Variants in MAP3K4 observed in about 807,000 individuals in gnomAD.
The protein encoded by MAP3K4 is mitogen-activated protein kinase kinase kinase 4, also known as MAP three kinase 1.
Under a neutral mutation model 185.6 loss-of-function variants are expected in MAP3K4, and 67 were observed. That is an observed-to-expected ratio of 0.36 (90% CI 0.30 to 0.44). The LOEUF (loss-of-function observed/expected upper bound fraction) is 0.44. Among genes scored for constraint, MAP3K4 ranks in the 20% least tolerant of loss-of-function variants. The pLI is 1.00. For synonymous variants in MAP3K4, 702 were observed against 710.4 expected (o/e 0.99, Z 0.19); for missense variants, 1,551 against 1,995.1 (o/e 0.78, Z 4.24).
chr6:161,009,906 T>C (rs1294383106), intron 1 of MAP3K4, among the ~76,000 whole-genome samples: 1 of 152,142 alleles, frequency 6.6e-6, no homozygotes, highest in African/African-American at 2.4e-5. Flanking sequence ...ATAGAGCTAA[T>C]GCATGCTGGG....
rs1009550628 is a variant in MAP3K4 at position 161,080,066 on chromosome 6, G to A, written c.2098-815G>A. ...GTGGTGGGTGGGCGCTCAGGTTGGC[G>A]ACAGACTGCTTCACGCTGAGTCACA... On this transcript the variant is annotated intron_variant, in intron 5 of 26. Transcript: ENST00000392142. This position sits in a 1 kb window ranked among gnomAD's most constrained non-coding sequence, Gnocchi z 4.8. 1.3e-5 allele frequency among the ~76,000 whole-genome samples: 2 copies of A among 152,268 alleles called. No individual in the cohort carries two copies. The highest frequency in any genetic ancestry group is 2.1e-4 in the South Asian group (1 of 4,826).
rs540109017 is a variant in MAP3K4, at chr6:161,048,430, T to A, written c.344-186T>A. On this transcript the variant is annotated intron_variant, in intron 2 of 26. Coordinates refer to ENST00000392142, the MANE Select transcript of MAP3K4 (RefSeq NM_005922.4). This position sits in a 1 kb window ranked among gnomAD's most constrained non-coding sequence, Gnocchi z 4.7. Reference sequence around the variant, plus strand: ...TACTGGAAAAATGGATAATTTTTTTTAAAATATAGAAAATGTCATATATAT... The same window carrying A: ...TACTGGAAAAATGGATAATTTTTTTAAAAATATAGAAAATGTCATATATAT... 3.0e-5 allele frequency: 18 copies of A among 603,116 alleles called. No individual in the cohort carries two copies. In the African/African-American group the frequency reaches 3.0e-4, roughly 10 times the overall value. The allele number at this position is 603,116 out of a possible 1,614,324, so 37.4% of individuals were successfully genotyped here. A position where few individuals can be genotyped will look rare whatever the true frequency, so the allele number is the denominator to read the frequency against.
At chr6:161,005,033 G>T (rs560099396) in intron 1 of MAP3K4, among the ~76,000 whole-genome samples, 3 of 152,124 alleles carry the variant, frequency 2.0e-5, no homozygotes, top group South Asian at 4.1e-4. Flanking sequence ...AACTTATCCA[G>T]TCTTGACCAT....
rs180673627 is a variant in MAP3K4, at chr6:161,075,214, G to A, written c.2097+1602G>A. Among the ~76,000 whole-genome samples, 32 of 152,304 alleles carry A rather than the reference G, an allele frequency of 2.1e-4. No individual in the cohort carries two copies. The highest frequency in any genetic ancestry group is 7.5e-4 in the African/African-American group (31 of 41,564). On this transcript the variant is annotated intron_variant, in intron 5 of 26. Transcript: ENST00000392142. The surrounding 1 kb of genome is among the most constrained non-coding windows in gnomAD (Gnocchi z 4.3). ...CTGTCACCTAGACTGAAACGCAGTG[G>A]TGTGTTGACGGCTTCCTGTAGTCTC...
At chr6:161,020,088 G>A (rs968498330) in intron 1 of MAP3K4, among the ~76,000 whole-genome samples, 2 of 152,160 alleles carry the variant, frequency 1.3e-5, no homozygotes, top group Non-Finnish European at 2.9e-5. Context: ...TTGAGCATTG[G>A]CTTTGAATTA....
At chr6:161,030,783 A>G (rs1445665455) in intron 1 of MAP3K4, among the ~76,000 whole-genome samples, 5 of 152,206 alleles carry the variant, frequency 3.3e-5, no homozygotes, top group African/African-American at 9.6e-5. Flanking sequence ...TTTTTAAAAG[A>G]AAGTTTCTTT....
chr6:161,084,243 A>G lies in MAP3K4; in HGVS notation c.2256-258A>G, dbSNP rs1257669991. Among the ~76,000 whole-genome samples, 3 of 152,256 alleles carry G rather than the reference A, an allele frequency of 2.0e-5. No individual in the cohort carries two copies. The highest frequency in any genetic ancestry group is 4.4e-5 in the Non-Finnish European group (3 of 68,044). On this transcript the variant is annotated intron_variant, in intron 6 of 26. Coordinates refer to ENST00000392142, the MANE Select transcript of MAP3K4 (RefSeq NM_005922.4). This position sits in a 1 kb window ranked among gnomAD's most constrained non-coding sequence, Gnocchi z 4.6. ...AATAACATTTGTGTACTAATTCCAT[A>G]GCTACTATGAATACAGTTTAAGATT...
chr6:161,062,481 T>C (rs1784525642), intron 3 of MAP3K4, among the ~76,000 whole-genome samples: 1 of 152,236 alleles, frequency 6.6e-6, no homozygotes, highest in South Asian at 2.1e-4. Flanking sequence ...AATTATTATA[T>C]CCCAGTCTCT....
Position 161,034,625 on chromosome 6 carries a change from C to T in MAP3K4, c.343+176C>T, listed in dbSNP as rs958693254. Among the ~76,000 whole-genome samples, 1 of 151,840 alleles carries T rather than the reference C, an allele frequency of 6.6e-6. No homozygotes were observed. The highest frequency in any genetic ancestry group is 6.6e-5 in the Admixed American group (1 of 15,240). ...TTAATAAAATTGACACATAGTTTTC[C>T]AGAGATAGAAACGTTTGTCCTGAGT... On this transcript the variant is annotated intron_variant, in intron 2 of 26. Coordinates refer to ENST00000392142, the MANE Select transcript of MAP3K4 (RefSeq NM_005922.4). The surrounding 1 kb of genome is among the most constrained non-coding windows in gnomAD (Gnocchi z 4.4).
chr6:161,053,563 T>G lies in MAP3K4; in HGVS notation c.1707+3584T>G, dbSNP rs77619929. On this transcript the variant is annotated intron_variant, in intron 3 of 26. Coordinates refer to ENST00000392142, the MANE Select transcript of MAP3K4 (RefSeq NM_005922.4). The surrounding 1 kb of genome is among the most constrained non-coding windows in gnomAD (Gnocchi z 4.2). ...TTTTAAGGGCATACATTTTAGGCAG[T>G]AAAACCTTTTAGGTTTGAGGACTTT... Among the ~76,000 whole-genome samples the G allele has an allele frequency of 0.023, 3,465 of 152,324 alleles. 116 individuals carry two copies. Among genetic ancestry groups the G allele is most frequent in the African/African-American group, 0.074 (3,089 of 41,566 alleles).
intron 23 of MAP3K4, 122 bp from the exon 24 acceptor site, chr6:161,111,714 A>G (rs548456914): frequency 4.0e-5 from 39 of 980,600 alleles, no homozygotes; most frequent in Non-Finnish European, 5.6e-5. Context: ...TTGTAAGTCA[A>G]GTTTCATAAG....
Position 161,101,779 on chromosome 6 carries a change from C to T in MAP3K4, c.3675-113C>T, listed in dbSNP as rs1266502688. On this transcript the variant is annotated intron_variant, in intron 17 of 26. Coordinates refer to ENST00000392142, the MANE Select transcript of MAP3K4 (RefSeq NM_005922.4). This position sits in a 1 kb window ranked among gnomAD's most constrained non-coding sequence, Gnocchi z 5.1. ...TACATTGCTGGAGGCAGAGTTGTTCCTGGCAGGCAGAGTTGCCCCCAGTTG... is the reference window on the plus strand; with the variant it reads ...TACATTGCTGGAGGCAGAGTTGTTCTTGGCAGGCAGAGTTGCCCCCAGTTG... 1 of 834,986 alleles carries T rather than the reference C, an allele frequency of 1.2e-6. No individual in the cohort carries two copies. The highest frequency in any genetic ancestry group is 1.9e-6 in the Non-Finnish European group (1 of 522,852). The allele number at this position is 834,986 out of a possible 1,614,324, so 51.7% of individuals were successfully genotyped here. A position where few individuals can be genotyped will look rare whatever the true frequency, so the allele number is the denominator to read the frequency against.
chr6:161,089,475 TTACACTGTCCTC>T lies in MAP3K4; in HGVS notation c.2973+9_2973+20del, dbSNP rs2114862328. 1 of 1,614,138 alleles carries T rather than the reference TTACACTGTCCTC, an allele frequency of 6.2e-7. No individual in the cohort carries two copies. Among genetic ancestry groups the T allele is most frequent in the South Asian group, 1.1e-5 (1 of 91,076 alleles). On this transcript the variant is annotated splice_donor_5th_base_variant and intron_variant, in intron 11 of 26. Coordinates refer to ENST00000392142, the MANE Select transcript of MAP3K4 (RefSeq NM_005922.4). ...CAAAGCTTTGCAGCAGCTGAAGGTATTACACTGTCCTCTACATTAGCTGAGATTTTTCCTTTT... is the reference window on the plus strand; with the variant it reads ...CAAAGCTTTGCAGCAGCTGAAGGTATTACATTAGCTGAGATTTTTCCTTTT...
intron 3 of MAP3K4, among the ~76,000 whole-genome samples, chr6:161,057,665 A>G (rs1255226362): frequency 6.6e-6 from 1 of 152,208 alleles, no homozygotes; most frequent in African/African-American, 2.4e-5. Context: ...CACTGGAAAC[A>G]CTGATTAGGC....
chr6:161,078,970 T>C (rs146189814), intron 5 of MAP3K4, among the ~76,000 whole-genome samples: 3,429 of 152,180 alleles, frequency 0.023, 139 homozygotes, highest in African/African-American at 0.079. Flanking sequence ...TCCCAACACT[T>C]TGGGAGGCCG....
At position 161,049,028 on chromosome 6, in the gene MAP3K4, G is replaced by A. The variant is rs771762808; in HGVS notation, c.756G>A (p.Thr252=). ...GGGAGCAAAGAGGACAAGAAAATAC[G>A]TCTGGTTTCTGGCTTAACCGATCTA... The part of the protein sequence containing the change: ...KDREQRGQEN[T]SGFWLNRSNE... The change falls in exon 3 of 27, where the codon ACG becomes ACA. Residue 252 remains threonine, a synonymous_variant. Coordinates refer to ENST00000392142, the MANE Select transcript of MAP3K4 (RefSeq NM_005922.4). The surrounding 1 kb of genome is among the most constrained non-coding windows in gnomAD (Gnocchi z 8.4). 20 of 1,613,898 alleles carry A rather than the reference G, an allele frequency of 1.2e-5. No individual in the cohort carries two copies. The highest frequency in any genetic ancestry group is 1.6e-4 in the Middle Eastern group (1 of 6,084).
In MAP3K4 at chr6:161,043,968, G is replaced by T. The variant is rs1276977726; in HGVS notation, c.344-4648G>T. Among the ~76,000 whole-genome samples the T allele has an allele frequency of 6.6e-6, 1 of 152,198 alleles. No individual in the cohort carries two copies. Among genetic ancestry groups the T allele is most frequent in the Non-Finnish European group, 1.5e-5 (1 of 68,026 alleles). On this transcript the variant is annotated intron_variant, in intron 2 of 26. Coordinates refer to ENST00000392142, the MANE Select transcript of MAP3K4 (RefSeq NM_005922.4). This position sits in a 1 kb window ranked among gnomAD's most constrained non-coding sequence, Gnocchi z 4.3. Reference sequence around the variant, plus strand: ...AAATACAATTAATACATATTCTAAAGAGCCATTTTTAGTTGTAGATGGTGG... The same window carrying T: ...AAATACAATTAATACATATTCTAAATAGCCATTTTTAGTTGTAGATGGTGG...
intron 2 of MAP3K4, among the ~76,000 whole-genome samples, chr6:161,046,498 T>C (rs770083060): frequency 1.4e-5 from 2 of 143,426 alleles, no homozygotes; most frequent in Admixed American, 7.4e-5. Flanking sequence ...AAGATAAAAA[T>C]TCTATCTTAA....
At chr6:161,113,790 C>CTTTTTTTTTTT (rs963260228) in intron 25 of MAP3K4, among the ~76,000 whole-genome samples, 12 of 71,078 alleles carry the variant, frequency 1.7e-4, no homozygotes, top group East Asian at 9.8e-4. Context: ...ATATGAGTGA[C>CTTTTTTTTTTT]TTTTTTTTTT....
Sources: gnomAD v4.1 joint callset for allele counts (sites outside exome capture counted in the v4.1 genomes callset) on GRCh38, gnomAD v4.1.1 for gene constraint, Gnocchi (gnomAD v3.1) non-coding constraint, MANE v1.5 for transcripts, NCBI Gene and HGNC (gene_info 2026-07-23, HGNC 2026-07-21) for gene names.